Variants in IKZF1 observed in about 807,000 individuals in gnomAD.
IKZF1 encodes IKAROS family zinc finger 1.
Under a neutral mutation model 51.7 loss-of-function variants are expected in IKZF1, and 10 were observed. The observed-to-expected ratio is 0.19, with a 90% CI of 0.12 to 0.33. The LOEUF (loss-of-function observed/expected upper bound fraction) is 0.33, where lower values mean the gene tolerates loss of function less well. Among genes scored for constraint, IKZF1 ranks in the 10% least tolerant of loss-of-function variants. IKZF1 has a pLI of 1.00. For missense variants in IKZF1, 484 were observed against 707.5 expected (o/e 0.68, Z 3.58); for synonymous variants, 280 against 282.3 (o/e 0.99, Z 0.08).
At chr7:50,314,029 C>T (rs1011073134) in intron 1 of IKZF1, among the ~76,000 whole-genome samples, 9 of 152,206 alleles carry the variant, frequency 5.9e-5, no homozygotes, top group African/African-American at 1.9e-4. Context: ...CTTAGAGTAC[C>T]AGTGGAGAAG....
chr7:50,386,020 AT>A (rs1483839949), intron 5 of IKZF1, among the ~76,000 whole-genome samples: 19 of 152,250 alleles, frequency 1.2e-4, no homozygotes, highest in African/African-American at 4.6e-4. Flanking sequence ...AAACATTTCT[AT>A]TTGGATGCTC....
chr7:50,400,169 A>G lies in IKZF1; in HGVS notation c.1102A>G (p.Ser368Gly). ...TPRSNHSAQD[S>G]AVENLLLLSK... ...GCGCTCCAACCACTCGGCCCAGGAC[A>G]GCGCCGTGGAGAACCTGCTGCTGCT... is the stretch of plus-strand genomic sequence containing the variant. The change falls in exon 8 of 8, where the codon AGC (serine) becomes GGC (glycine). Residue 368 changes from serine (S) to glycine (G), a missense_variant. Ser to Gly is a moderately conservative substitution (Grantham distance 56). Coordinates refer to ENST00000331340, the MANE Select transcript of IKZF1 (RefSeq NM_006060.6). This position sits in a 1 kb window ranked among gnomAD's most constrained non-coding sequence, Gnocchi z 5.4. 2 of 1,563,782 alleles carry G rather than the reference A, an allele frequency of 1.3e-6. No homozygotes were observed. Among genetic ancestry groups the G allele is most frequent in the Non-Finnish European group, 1.7e-6 (2 of 1,155,664 alleles).
intron 3 of IKZF1, among the ~76,000 whole-genome samples, chr7:50,359,353 G>A (rs1302327287): frequency 6.6e-6 from 1 of 152,222 alleles, no homozygotes; most frequent in African/African-American, 2.4e-5. Context: ...AAGAAATGGA[G>A]GAAACATGAA....
At chr7:50,375,782 A>G (rs1231279025) in intron 3 of IKZF1, among the ~76,000 whole-genome samples, 3 of 146,242 alleles carry the variant, frequency 2.1e-5, no homozygotes, top group African/African-American at 5.1e-5. Flanking sequence ...CCAGATACCT[A>G]CATTCATAAA....
intron 3 of IKZF1, among the ~76,000 whole-genome samples, chr7:50,352,901 G>A (rs548463597): frequency 1.6e-4 from 24 of 152,278 alleles, no homozygotes; most frequent in Middle Eastern, 3.4e-3. Context: ...CTTGCATAAG[G>A]TAAGACTTTC....
intron 1 of IKZF1, among the ~76,000 whole-genome samples, chr7:50,313,448 T>C (rs1276292103): frequency 6.6e-6 from 1 of 152,252 alleles, no homozygotes; most frequent in East Asian, 1.9e-4. Context: ...AGAAGTTTTA[T>C]GATGAAATTT....
chr7:50,391,508 TGAGCAGCTGTTG>T (rs1399978526), intron 6 of IKZF1, among the ~76,000 whole-genome samples: 1 of 152,216 alleles, frequency 6.6e-6, no homozygotes, highest in African/African-American at 2.4e-5. Flanking sequence ...TGATGTGTGG[TGAGCAGCTGTTG>T]GAGGAAGAAG....
chr7:50,369,666 T>C (rs925312248), intron 3 of IKZF1: 2 of 398,008 alleles, frequency 5.0e-6, no homozygotes, highest in Non-Finnish European at 4.4e-6. Context: ...TCAACACCTC[T>C]TTTCTTCTTG....
chr7:50,355,073 A>G (rs556389035), intron 3 of IKZF1, among the ~76,000 whole-genome samples: 2 of 152,196 alleles, frequency 1.3e-5, no homozygotes, highest in African/African-American at 2.4e-5. Context: ...GGGAAGGTGG[A>G]GATGACCAGC....
intron 7 of IKZF1, among the ~76,000 whole-genome samples, chr7:50,398,360 G>A (rs145957818): frequency 6.6e-6 from 1 of 152,100 alleles, no homozygotes; most frequent in African/African-American, 2.4e-5. Context: ...CCTACCTCTC[G>A]AGCACTGCCC....
intron 3 of IKZF1, among the ~76,000 whole-genome samples, chr7:50,338,160 A>G (rs1321035263): frequency 6.6e-6 from 1 of 152,254 alleles, no homozygotes; most frequent in Non-Finnish European, 1.5e-5. Context: ...CCATGCTTGC[A>G]GTGATGACTA....
chr7:50,314,643 G>C (rs1791032686), intron 1 of IKZF1, among the ~76,000 whole-genome samples: 1 of 152,192 alleles, frequency 6.6e-6, no homozygotes. Context: ...TCAGAATTAT[G>C]GAAGAGACTC....
At chr7:50,331,270 G>A (rs1456252715) in intron 3 of IKZF1, among the ~76,000 whole-genome samples, 1 of 151,932 alleles carries the variant, frequency 6.6e-6, no homozygotes, top group African/African-American at 2.4e-5. Flanking sequence ...AAAAAAAATG[G>A]TCCAAAGAAT....
intron 2 of IKZF1, among the ~76,000 whole-genome samples, chr7:50,325,474 T>C (rs1271696876): frequency 6.6e-6 from 1 of 152,158 alleles, no homozygotes; most frequent in African/African-American, 2.4e-5. Context: ...ATTATTACTT[T>C]AAACATTTTC....
intron 3 of IKZF1, among the ~76,000 whole-genome samples, chr7:50,331,200 T>C (rs1289550932): frequency 6.6e-6 from 1 of 152,010 alleles, no homozygotes; most frequent in Non-Finnish European, 1.5e-5. Flanking sequence ...GTAGCTTCAC[T>C]TGGGAAAAGG....
chr7:50,349,856 A>G (rs1281589907), intron 3 of IKZF1, among the ~76,000 whole-genome samples: 5 of 152,216 alleles, frequency 3.3e-5, no homozygotes, highest in Non-Finnish European at 5.9e-5. Context: ...TATTGGGTCT[A>G]TGAAAAATAA....
At chr7:50,351,117 A>G (rs1475110931) in intron 3 of IKZF1, among the ~76,000 whole-genome samples, 2 of 152,218 alleles carry the variant, frequency 1.3e-5, no homozygotes, top group Non-Finnish European at 2.9e-5. Flanking sequence ...GATCACCAAA[A>G]CATTTACCAC....
intron 5 of IKZF1, among the ~76,000 whole-genome samples, chr7:50,384,207 T>C (rs1171294101): frequency 6.6e-6 from 1 of 151,964 alleles, no homozygotes; most frequent in Non-Finnish European, 1.5e-5. Context: ...CAGAGAGGGG[T>C]GCGGCACCCA....
At chr7:50,364,906 G>A (rs942221665) in intron 3 of IKZF1, among the ~76,000 whole-genome samples, 3 of 152,324 alleles carry the variant, frequency 2.0e-5, no homozygotes, top group East Asian at 1.9e-4. Context: ...AGGTGTAGCA[G>A]TCGCACTTGA....
Sources: gnomAD v4.1 joint callset for allele counts (sites outside exome capture counted in the v4.1 genomes callset) on GRCh38, gnomAD v4.1.1 for gene constraint, Gnocchi (gnomAD v3.1) non-coding constraint, MANE v1.5 for transcripts, NCBI Gene and HGNC (gene_info 2026-07-23, HGNC 2026-07-21) for gene names.